The following PRSS23 variants were observed in gnomAD, a reference collection of about 807,000 sequenced individuals.
The protein encoded by PRSS23 is serine protease 23.
In PRSS23, 25 loss-of-function variants were observed where a neutral mutation model predicts 34.7. The observed-to-expected ratio is 0.72, with a 90% CI of 0.53 to 1.01. The LOEUF (loss-of-function observed/expected upper bound fraction) is 1.01. PRSS23 is among the 50% of genes least tolerant of loss of function. The pLI is 0.00. For synonymous variants in PRSS23, 176 were observed against 186.6 expected, an observed-to-expected ratio of 0.94 and a Z score of 0.46; for missense variants, 445 against 475.6, an observed-to-expected ratio of 0.94 and a Z score of 0.60.
chr11:86,935,802 A>G (rs1331516685), intron 2 of PRSS23: 2 of 152,164 alleles, frequency 1.3e-5, no homozygotes, highest in African/African-American at 2.4e-5. Context: ...TCCAAAGTAC[A>G]TGCTCTTTCT....
At chr11:86,847,263 A>G (rs1302516778) in intron 2 of PRSS23, among the ~76,000 whole-genome samples, 2 of 152,194 alleles carry the variant, frequency 1.3e-5, no homozygotes, top group East Asian at 3.9e-4. Context: ...GGACAGTTTT[A>G]TGGCCAGGAC....
At chr11:86,873,990 A>G (rs771399878) in intron 2 of PRSS23, among the ~76,000 whole-genome samples, 11 of 152,230 alleles carry the variant, frequency 7.2e-5, no homozygotes, top group Admixed American at 5.2e-4. Context: ...AGTGCAAGAC[A>G]TAGATTAGGG....
In PRSS23 at chr11:86,919,991, AACT is replaced by A. The variant is rs557252223; in HGVS notation, c.207-31222_207-31220del. Among the ~76,000 whole-genome samples the A allele has an allele frequency of 4.0e-4, 61 of 152,270 alleles. 3 individuals are homozygous for A. The South Asian group carries it at 0.012, about 31-fold the overall frequency. On this transcript the variant is annotated intron_variant, in intron 2 of 2. Transcript: ENST00000533902. ...AACTTGGCCAATGTTGCTAAAATCAAACTACAAGTAGACTGCAGACGCCAGCGT... is the reference window on the plus strand; with the variant it reads ...AACTTGGCCAATGTTGCTAAAATCAAACAAGTAGACTGCAGACGCCAGCGT...
intron 2 of PRSS23, among the ~76,000 whole-genome samples, chr11:86,826,954 CT>C (rs1202771582): frequency 6.6e-6 from 1 of 152,008 alleles, no homozygotes; most frequent in Admixed American, 6.6e-5. Context: ...CTAAAATTCT[CT>C]TTTTTGGTTG....
In PRSS23 at chr11:86,880,255, A is replaced by C. The variant is rs56900640; in HGVS notation, c.206+56662A>C. The stretch of plus-strand genomic sequence containing the variant: ...ACAGATGCTTGAAGGCAGCATGCTC[A>C]TTAAGAGTCATCACCACTCCCTAAT... On this transcript the variant is annotated intron_variant, in intron 2 of 2. Coordinates refer to the PRSS23 transcript ENST00000533902. Among the ~76,000 whole-genome samples, 549 of 148,648 alleles carry C rather than the reference A, an allele frequency of 3.7e-3. 1 individual carries two copies. Among genetic ancestry groups the C allele is most frequent in the Middle Eastern group, 6.8e-3 (2 of 294 alleles).
upstream of PRSS23, among the ~76,000 whole-genome samples, chr11:86,799,371 T>C (rs1324618551): frequency 1.3e-5 from 2 of 152,200 alleles, no homozygotes; most frequent in Admixed American, 6.5e-5. Flanking sequence ...CTTTAGACCT[T>C]CCCTTTCTGA....
downstream of PRSS23, among the ~76,000 whole-genome samples, chr11:86,814,347 T>C (rs1948200324): frequency 6.7e-6 from 1 of 149,070 alleles, no homozygotes; most frequent in African/African-American, 2.5e-5. Context: ...TTGGGTTCAG[T>C]AGAAGAGAAG....
At chr11:86,903,841 G>T (rs1288604764) in intron 2 of PRSS23, among the ~76,000 whole-genome samples, 1 of 151,968 alleles carries the variant, frequency 6.6e-6, no homozygotes, top group Non-Finnish European at 1.5e-5. Flanking sequence ...CAGACCCCTG[G>T]GTAAGTGACT....
chr11:86,939,793 G>A (rs1359879711), intron 2 of PRSS23, among the ~76,000 whole-genome samples: 27 of 139,900 alleles, frequency 1.9e-4, no homozygotes, highest in Non-Finnish European at 3.9e-4. Flanking sequence ...GTGGGTGGGG[G>A]GGACACACAA....
chr11:86,920,687 A>G (rs1466393803), intron 2 of PRSS23, among the ~76,000 whole-genome samples: 1 of 152,116 alleles, frequency 6.6e-6, no homozygotes. Flanking sequence ...ATCAAAACAC[A>G]AAACCCTACT....
chr11:86,793,352 C>T (rs1947963171), intron 1 of PRSS23, among the ~76,000 whole-genome samples: 3 of 152,106 alleles, frequency 2.0e-5, no homozygotes, highest in African/African-American at 4.8e-5. Context: ...ATTCTTTAAT[C>T]CTGGGGGACT....
intron 2 of PRSS23, among the ~76,000 whole-genome samples, chr11:86,931,922 T>C (rs1185574002): frequency 2.0e-5 from 3 of 152,166 alleles, no homozygotes; most frequent in Admixed American, 1.3e-4. Context: ...TGCCCTATTA[T>C]TGGGGACCAA....
chr11:86,849,171 A>G (rs12807497), intron 2 of PRSS23, among the ~76,000 whole-genome samples: 11,676 of 152,232 alleles, frequency 0.077, 526 homozygotes, highest in East Asian at 0.16. Flanking sequence ...ACACTGGCCC[A>G]GCTTTCTCAG....
intron 1 of PRSS23, among the ~76,000 whole-genome samples, chr11:86,819,720 T>C (rs1948239700): frequency 1.3e-5 from 2 of 152,214 alleles, no homozygotes; most frequent in Admixed American, 1.3e-4. Flanking sequence ...TGTCTCAAAA[T>C]ATGGTATAAA....
chr11:86,793,831 A>T (rs1187241082), intron 1 of PRSS23, among the ~76,000 whole-genome samples: 3 of 152,196 alleles, frequency 2.0e-5, no homozygotes, highest in Non-Finnish European at 4.4e-5. Context: ...AAAGGAAAAC[A>T]AGACAGATTT....
intron 2 of PRSS23, among the ~76,000 whole-genome samples, chr11:86,829,054 T>A (rs1445627397): frequency 6.6e-6 from 1 of 152,200 alleles, no homozygotes; most frequent in African/African-American, 2.4e-5. Context: ...CTTGCTATAT[T>A]GGGAAGTTGT....
In PRSS23 at chr11:86,939,401, AAAATAT is replaced by A. The variant is rs1166752560; in HGVS notation, c.207-11813_207-11808del. ...TGTTCCTATTTCTCAGTTAAAAAAA[AAAATAT>A]ATATATATATATATATATATTTTTT... is the stretch of plus-strand genomic sequence containing the variant. On this transcript the variant is annotated intron_variant, in intron 2 of 2. Transcript: ENST00000533902. Among the ~76,000 whole-genome samples the A allele has an allele frequency of 7.1e-3, 403 of 56,848 alleles. 5 individuals are homozygous for A. The highest frequency in any genetic ancestry group is 0.017 in the African/African-American group (390 of 22,450). The allele number at this position is 56,848 out of a possible 152,430, so 37.3% of individuals were successfully genotyped here.
At chr11:86,866,606 G>A (rs950944426) in intron 2 of PRSS23, among the ~76,000 whole-genome samples, 6 of 152,184 alleles carry the variant, frequency 3.9e-5, no homozygotes. Context: ...GGATGAGCAA[G>A]ATACCCATTG....
At position 86,818,232 on chromosome 11, in the gene PRSS23, CAT is replaced by C. The variant is rs370639597; in HGVS notation, c.-11-5144_-11-5143del. Among the ~76,000 whole-genome samples the C allele has an allele frequency of 3.7e-4, 56 of 152,272 alleles. No homozygotes were observed. In the South Asian group the frequency reaches 3.7e-3, roughly 10 times the overall value. ...TCATCAGTACAAGTATAAAACAAAT[CAT>C]GTGTGATTTGATTCATTTATACATG... On this transcript the variant is annotated intron_variant, in intron 1 of 2. Transcript: ENST00000533902.
Sources: gnomAD v4.1 joint callset for allele counts (sites outside exome capture counted in the v4.1 genomes callset) on GRCh38, gnomAD v4.1.1 for gene constraint, MANE v1.5 for transcripts, NCBI Gene and HGNC (gene_info 2026-07-23, HGNC 2026-07-21) for gene names.